The following F13A1 variants were observed in gnomAD, a reference collection of about 807,000 sequenced individuals.
F13A1 encodes the protein coagulation factor XIII A chain.
In F13A1, 47 loss-of-function variants were observed where a neutral mutation model predicts 80.1. The ratio of observed to expected loss-of-function variants is 0.59; its 90% confidence interval spans 0.46 to 0.75. F13A1 has a LOEUF of 0.75. Ranked by LOEUF, F13A1 falls within the 30% of genes least tolerant of loss-of-function variation. F13A1 has a pLI of 0.00. For synonymous variants in F13A1, 349 were observed against 344.9 expected, an observed-to-expected ratio of 1.01 and a Z score of -0.13; for missense variants, 817 against 930.4, an observed-to-expected ratio of 0.88 and a Z score of 1.59.
intron 3 of F13A1, among the ~76,000 whole-genome samples, chr6:6,290,527 C>T (rs537666018): frequency 6.6e-6 from 1 of 152,192 alleles, no homozygotes; most frequent in East Asian, 1.9e-4. Flanking sequence ...TTTTTGACTA[C>T]GTGTCTACTC....
chr6:6,288,159 A>G (rs1758164558), intron 3 of F13A1, among the ~76,000 whole-genome samples: 1 of 152,256 alleles, frequency 6.6e-6, no homozygotes, highest in Non-Finnish European at 1.5e-5. Flanking sequence ...GAAAAAAGAA[A>G]GGTAACTGTG....
At chr6:6,262,235 C>T (rs1757785952) in intron 4 of F13A1, among the ~76,000 whole-genome samples, 1 of 149,728 alleles carries the variant, frequency 6.7e-6, no homozygotes, top group African/African-American at 2.5e-5. Context: ...TGATGTGCTC[C>T]AAGCGTGGTG....
At chr6:6,163,573 T>C (rs937558381) in intron 13 of F13A1, among the ~76,000 whole-genome samples, 4 of 152,214 alleles carry the variant, frequency 2.6e-5, no homozygotes, top group Admixed American at 1.3e-4. Context: ...CTCCCACTTA[T>C]AAGTGAGAAC....
rs1045359843 is a variant in F13A1, at chr6:6,259,623, T to C, written c.571+6935A>G. On this transcript the variant is annotated intron_variant, in intron 4 of 14. Transcript: ENST00000264870. ...GATATGTTTTTGACTTTTCTCAAGATGGTAAGGTCTGAGATTACATTTACA... is the reference window on the plus strand; with the variant it reads ...GATATGTTTTTGACTTTTCTCAAGACGGTAAGGTCTGAGATTACATTTACA... Among the ~76,000 whole-genome samples, 76 of 152,294 alleles carry C rather than the reference T, an allele frequency of 5.0e-4. 1 individual carries two copies. Among genetic ancestry groups the C allele is most frequent in the African/African-American group, 1.8e-3 (75 of 41,568 alleles).
At chr6:6,184,867 T>C (rs971985976) in intron 10 of F13A1, among the ~76,000 whole-genome samples, 2 of 152,068 alleles carry the variant, frequency 1.3e-5, no homozygotes, top group African/African-American at 4.8e-5. Flanking sequence ...TTTGTATATG[T>C]GTGTTGGGGT....
At chr6:6,286,810 AG>A (rs1171889899) in intron 3 of F13A1, among the ~76,000 whole-genome samples, 1 of 152,224 alleles carries the variant, frequency 6.6e-6, no homozygotes, top group Admixed American at 6.5e-5. Context: ...GAGAAGAAAG[AG>A]GGTGAAGAGG....
intron 8 of F13A1, among the ~76,000 whole-genome samples, chr6:6,206,974 A>G (rs534206154): frequency 6.6e-6 from 1 of 151,992 alleles, no homozygotes; most frequent in African/African-American, 2.4e-5. Flanking sequence ...AGTAAGGACT[A>G]CTGGAAATCT....
chr6:6,193,433 C>T (rs149396531), intron 10 of F13A1, among the ~76,000 whole-genome samples: 2 of 152,068 alleles, frequency 1.3e-5, no homozygotes, highest in Non-Finnish European at 2.9e-5. Flanking sequence ...TGAGTCATAT[C>T]GACTCATATG....
intron 1 of F13A1, among the ~76,000 whole-genome samples, chr6:6,319,383 G>A (rs906754574): frequency 1.3e-5 from 2 of 152,198 alleles, no homozygotes; most frequent in Admixed American, 6.5e-5. Context: ...GAGGTGGAGA[G>A]GTTGGGCATG....
chr6:6,240,455 C>T (rs766707347), intron 6 of F13A1, among the ~76,000 whole-genome samples: 22 of 151,996 alleles, frequency 1.4e-4, no homozygotes, highest in Non-Finnish European at 2.8e-4. Flanking sequence ...CTCATGTGAC[C>T]GGGAGAGAGG....
At chr6:6,251,279 C>T (rs1757628781) in intron 4 of F13A1, among the ~76,000 whole-genome samples, 1 of 152,178 alleles carries the variant, frequency 6.6e-6, no homozygotes, top group South Asian at 2.1e-4. Context: ...ACGTCTCTAA[C>T]ACTAATTAAA....
intron 6 of F13A1, among the ~76,000 whole-genome samples, chr6:6,248,072 A>G (rs1376560605): frequency 6.6e-6 from 1 of 152,250 alleles, no homozygotes; most frequent in East Asian, 1.9e-4. Context: ...GTATCATTAT[A>G]TCTATCATTG....
intron 10 of F13A1, among the ~76,000 whole-genome samples, chr6:6,183,532 T>C (rs1214147774): frequency 6.6e-6 from 1 of 152,162 alleles, no homozygotes; most frequent in Non-Finnish European, 1.5e-5. Flanking sequence ...ATTAAGGAGG[T>C]GGGACCTAAA....
chr6:6,219,607 GC>G (rs1310852821), intron 8 of F13A1, among the ~76,000 whole-genome samples: 60 of 152,272 alleles, frequency 3.9e-4, no homozygotes, highest in African/African-American at 1.4e-3. Flanking sequence ...TAGGAGTGTG[GC>G]TGTGGTGATC....
rs1177445370 is a variant in F13A1 at position 6,250,726 on chromosome 6, G to A, written c.690+85C>T. The A allele has an allele frequency of 1.7e-5, 15 of 890,880 alleles. No homozygotes were observed. The highest frequency in any genetic ancestry group is 5.1e-5 in the Admixed American group (3 of 58,510). 55.2% of individuals were successfully genotyped at this position (890,880 alleles called of 1,614,324 possible). ...CAGGAAATTGTGCTTGTCTAATATC[G>A]ATATATGGGATCCTGTAGGGATACA... On this transcript the variant is annotated intron_variant, in intron 5 of 14. Transcript: ENST00000264870. The surrounding 1 kb of genome is among the most constrained non-coding windows in gnomAD (Gnocchi z 4.2).
chr6:6,214,882 T>C (rs1388400216), intron 8 of F13A1, among the ~76,000 whole-genome samples: 4 of 95,062 alleles, frequency 4.2e-5, no homozygotes, highest in South Asian at 4.7e-4. Flanking sequence ...CAAACTACCA[T>C]CAGAGAATAC....
Position 6,167,463 on chromosome 6 carries a change from T to C in F13A1, c.1903A>G (p.Ile635Val). 6.2e-7 allele frequency: 1 copy of C among 1,613,974 alleles called. No individual in the cohort carries two copies. The change falls in exon 13 of 15, where the codon ATC becomes GTC. Residue 635 changes from isoleucine (I) to valine (V), a missense_variant. By Grantham distance (29) the Ile-to-Val change is conservative. Transcript: ENST00000264870. ...GATGAGACGCTAAGACTGACCTTGA[T>C]GATGATCTCAGGGATGGTTAGCACG... ...STVLTIPEII[I>V]KVRGTQVVGS...
At chr6:6,174,224 T>C (rs1760832222) in intron 12 of F13A1, among the ~76,000 whole-genome samples, 1 of 151,996 alleles carries the variant, frequency 6.6e-6, no homozygotes. Flanking sequence ...ATCCCGTCTC[T>C]ACTAAAAATA....
At chr6:6,202,997 T>C (rs926233854) in intron 8 of F13A1, among the ~76,000 whole-genome samples, 3 of 152,216 alleles carry the variant, frequency 2.0e-5, no homozygotes, top group African/African-American at 4.8e-5. Context: ...ACACGGGAAA[T>C]AATCATACAA....
Sources: allele counts gnomAD v4.1 joint callset (sites outside exome capture counted in the v4.1 genomes callset), GRCh38; gene constraint gnomAD v4.1.1; non-coding constraint Gnocchi (gnomAD v3.1); transcripts MANE v1.5; gene names NCBI Gene and HGNC (gene_info 2026-07-23, HGNC 2026-07-21).